The following MAP3K20 variants were observed in gnomAD, a reference collection of about 807,000 sequenced individuals.
The protein encoded by MAP3K20 is mitogen-activated protein kinase kinase kinase 20.
Under a neutral mutation model 85.7 loss-of-function variants are expected in MAP3K20, and 40 were observed. The observed-to-expected ratio is 0.47, with a 90% CI of 0.36 to 0.61. The LOEUF is 0.61. MAP3K20 is among the 20% of genes least tolerant of loss of function. The pLI is 0.00. For synonymous variants in MAP3K20, 325 were observed against 327.7 expected (o/e 0.99, Z 0.09); for missense variants, 817 against 961.7 (o/e 0.85, Z 1.99).
In MAP3K20 at chr2:173,085,784, AT is replaced by A. The variant is rs61431056; in HGVS notation, c.-34-5185del. Among the ~76,000 whole-genome samples the A allele has an allele frequency of 1.3e-3, 94 of 73,732 alleles. 1 individual carries two copies. The highest frequency in any genetic ancestry group is 9.4e-3 in the South Asian group (16 of 1,702). The allele number at this position is 73,732 out of a possible 152,430, so 48.4% of individuals were successfully genotyped here. On this transcript the variant is annotated intron_variant, in intron 1 of 19. Coordinates refer to ENST00000375213, the MANE Select transcript of MAP3K20 (RefSeq NM_016653.3). Reference sequence around the variant, plus strand: ...AAATTGCCTTTTTTGTGTAAAAGCAATTTTTTTTTTTTTTTTTTTTTTTTTT... The same window carrying A: ...AAATTGCCTTTTTTGTGTAAAAGCAATTTTTTTTTTTTTTTTTTTTTTTTT...
chr2:173,128,921 CTTT>C (rs386391866), intron 2 of MAP3K20, among the ~76,000 whole-genome samples: 1 of 116,102 alleles, frequency 8.6e-6, no homozygotes, highest in Non-Finnish European at 1.7e-5. Context: ...GAAATCTTTT[CTTT>C]TTTTTTTTTT....
intron 2 of MAP3K20, among the ~76,000 whole-genome samples, chr2:173,094,509 C>T (rs562387654): frequency 6.6e-6 from 1 of 152,290 alleles, no homozygotes; most frequent in African/African-American, 2.4e-5. Context: ...ACCCAGGATC[C>T]AATCCAGGAT....
At chr2:173,079,630 A>AT (rs933806702) in intron 1 of MAP3K20, among the ~76,000 whole-genome samples, 2 of 151,128 alleles carry the variant, frequency 1.3e-5, no homozygotes, top group Non-Finnish European at 2.9e-5. Context: ...ATTCTGTAAG[A>AT]TTTTTTTTCT....
intron 16 of MAP3K20, among the ~76,000 whole-genome samples, chr2:173,256,500 G>C (rs1179270561): frequency 5.8e-5 from 1 of 17,190 alleles, no homozygotes; most frequent in African/African-American, 9.0e-5. Context: ...TAGATAGATA[G>C]ATAGATAGAT....
At chr2:173,083,198 A>G (rs997530591) in intron 1 of MAP3K20, among the ~76,000 whole-genome samples, 5 of 152,164 alleles carry the variant, frequency 3.3e-5, no homozygotes, top group Admixed American at 2.6e-4. Flanking sequence ...TCTCTCAGAT[A>G]TCTATGCCTG....
chr2:173,094,657 G>T (rs942960152), intron 2 of MAP3K20, among the ~76,000 whole-genome samples: 1 of 152,036 alleles, frequency 6.6e-6, no homozygotes, highest in African/African-American at 2.4e-5. Flanking sequence ...CCTCATTTGG[G>T]GTTTATGTGA....
chr2:173,181,830 C>T (rs1442340787), intron 3 of MAP3K20, among the ~76,000 whole-genome samples: 2 of 150,030 alleles, frequency 1.3e-5, no homozygotes, highest in African/African-American at 4.9e-5. Context: ...GGTGGGATTG[C>T]TTGAGCTCAG....
chr2:173,134,409 TATATATATATA>T (rs1688724349), intron 2 of MAP3K20, among the ~76,000 whole-genome samples: 4 of 9,714 alleles, frequency 4.1e-4, no homozygotes, highest in East Asian at 3.1e-3. Flanking sequence ...TATATATATA[TATATATATATA>T]TATATATATT....
At chr2:173,156,498 T>C (rs1689475022) in intron 2 of MAP3K20, among the ~76,000 whole-genome samples, 2 of 152,118 alleles carry the variant, frequency 1.3e-5, no homozygotes, top group African/African-American at 4.8e-5. Flanking sequence ...GGAAGACAGT[T>C]TTTCCACAGA....
rs1689811427 is a variant in MAP3K20, at chr2:173,166,060, TG to T, written c.160-3744del. Among the ~76,000 whole-genome samples the T allele has an allele frequency of 3.3e-5, 5 of 152,210 alleles. No individual in the cohort carries two copies. The South Asian group carries it at 1.0e-3, about 31-fold the overall frequency. On this transcript the variant is annotated intron_variant, in intron 2 of 19. Coordinates refer to ENST00000375213, the MANE Select transcript of MAP3K20 (RefSeq NM_016653.3). ...TTTTCATCACCCCAAACAGAAACGCTGTACCCATTAAGCAATAACTCCTCAT... is the reference window on the plus strand; with the variant it reads ...TTTTCATCACCCCAAACAGAAACGCTTACCCATTAAGCAATAACTCCTCAT...
At chr2:173,208,243 T>TA (rs1351636430) in intron 9 of MAP3K20, among the ~76,000 whole-genome samples, 3 of 151,636 alleles carry the variant, frequency 2.0e-5, no homozygotes, top group Non-Finnish European at 4.4e-5. Flanking sequence ...TATAAAAAAC[T>TA]AAAAAATTAG....
At chr2:173,099,964 A>G (rs2106159124) in intron 2 of MAP3K20, among the ~76,000 whole-genome samples, 1 of 152,306 alleles carries the variant, frequency 6.6e-6, no homozygotes, top group East Asian at 1.9e-4. Flanking sequence ...GTTAACGATC[A>G]CTCGCATCTT....
intron 17 of MAP3K20, 72 bp from the exon 18 acceptor site, chr2:173,260,991 G>A: frequency 7.1e-7 from 1 of 1,405,136 alleles, no homozygotes; most frequent in Non-Finnish European, 1.0e-6. Context: ...GGCACAACCG[G>A]CCTCAAAGAA....
intron 17 of MAP3K20, 80 bp downstream of exon 17, chr2:173,258,895 G>A: frequency 1.1e-6 from 1 of 904,010 alleles, no homozygotes; most frequent in Non-Finnish European, 1.8e-6. Flanking sequence ...CCAGCAGTGT[G>A]CTTTTGTGCT....
At chr2:173,217,386 G>T (rs1453409897) in intron 11 of MAP3K20, 136 bp downstream of exon 11, 2 of 1,050,152 alleles carry the variant, frequency 1.9e-6, no homozygotes, top group Non-Finnish European at 1.3e-6. Context: ...GTATTAAAGG[G>T]CCCGCGTGTG....
At chr2:173,081,044 C>G (rs1686999530) in intron 1 of MAP3K20, among the ~76,000 whole-genome samples, 1 of 152,168 alleles carries the variant, frequency 6.6e-6, no homozygotes, top group African/African-American at 2.4e-5. Flanking sequence ...CGTATAGCCA[C>G]AGATACCCCA....
chr2:173,258,201 G>C lies in MAP3K20; in HGVS notation c.1360-498G>C, dbSNP rs917821274. Among the ~76,000 whole-genome samples, 6 of 152,108 alleles carry C rather than the reference G, an allele frequency of 3.9e-5. No homozygotes were observed. The East Asian group carries it at 9.7e-4, about 25-fold the overall frequency. ...CACATTTGCACTGTTGTTTTCTTTC[G>C]TATTAAGAGGAAAGTGAGAGTTTCT... On this transcript the variant is annotated intron_variant, in intron 16 of 19. Coordinates refer to ENST00000375213, the MANE Select transcript of MAP3K20 (RefSeq NM_016653.3).
chr2:173,177,282 C>T (rs1690188922), intron 3 of MAP3K20, among the ~76,000 whole-genome samples: 1 of 152,098 alleles, frequency 6.6e-6, no homozygotes. Flanking sequence ...AAATAAATCT[C>T]AGTTCATCTA....
At chr2:173,160,030 A>G (rs1689600952) in intron 2 of MAP3K20, 1 of 152,142 alleles carries the variant, frequency 6.6e-6, no homozygotes, top group South Asian at 2.1e-4. Flanking sequence ...GAGTGGGGAA[A>G]TGACTGGTGT....
Sources: allele counts gnomAD v4.1 joint callset (sites outside exome capture counted in the v4.1 genomes callset), GRCh38; gene constraint gnomAD v4.1.1; transcripts MANE v1.5; gene names NCBI Gene and HGNC (gene_info 2026-07-23, HGNC 2026-07-21).